The following KCTD11 variants were observed in gnomAD, a reference collection of about 807,000 sequenced individuals.
The protein encoded by KCTD11 is BTB/POZ domain-containing protein KCTD11.
Under a neutral mutation model 10.7 loss-of-function variants are expected in KCTD11, and 8 were observed. The ratio of observed to expected loss-of-function variants is 0.74; its 90% CI spans 0.44 to 1.34. The LOEUF is 1.34. Ranked by LOEUF, KCTD11 falls within the 40% of genes most tolerant of loss-of-function variation. The pLI is 0.01. For synonymous variants in KCTD11, 153 were observed against 160.8 expected, an observed-to-expected ratio of 0.95 and a Z score of 0.37; for missense variants, 346 against 356.1, an observed-to-expected ratio of 0.97 and a Z score of 0.23.
At position 7,353,420 on chromosome 17, in the gene KCTD11, G is replaced by GC; in HGVS notation, c.601dup (p.Arg201ProfsTer79). On this transcript the variant is annotated frameshift_variant, in exon 1 of 1. Transcript: ENST00000333751. LOFTEE classifies it high-confidence loss of function. This position sits in a 1 kb window ranked among gnomAD's most constrained non-coding sequence, Gnocchi z 4.9. ...GAGCCCACATTTTCATCTGGAGTGG[G>GC]CCCCCCGCCCCGTGGAACTCCCCGA... 1.6e-5 allele frequency: 25 copies of GC among 1,610,446 alleles called. No individual in the cohort carries two copies. Among genetic ancestry groups the GC allele is most frequent in the Non-Finnish European group, 1.9e-5 (23 of 1,179,634 alleles).
Position 7,352,721 on chromosome 17 carries a change from A to C in KCTD11, c.-105A>C, listed in dbSNP as rs1361604594. 2 of 541,674 alleles carry C rather than the reference A, an allele frequency of 3.7e-6. No homozygotes were observed. The highest frequency in any genetic ancestry group is 3.8e-5 in the African/African-American group (2 of 53,090). The allele number at this position is 541,674 out of a possible 1,614,324, so 33.6% of individuals were successfully genotyped here. A position where few individuals can be genotyped will look rare whatever the true frequency, so the allele number is the denominator to read the frequency against. On this transcript the variant is annotated 5_prime_UTR_variant, in exon 1 of 1. Coordinates refer to ENST00000333751, the MANE Select transcript of KCTD11 (RefSeq NM_001363642.1). This position sits in a 1 kb window ranked among gnomAD's most constrained non-coding sequence, Gnocchi z 4.5. ...CCCCAAACCTTACTGGGTGTGCTCCACCTGTGCCTCCAACCCAGCGAATCT... is the reference window on the plus strand; with the variant it reads ...CCCCAAACCTTACTGGGTGTGCTCCCCCTGTGCCTCCAACCCAGCGAATCT...
chr17:7,353,234 C>T lies in KCTD11; in HGVS notation c.409C>T (p.Pro137Ser). 6.2e-7 allele frequency: 1 copy of T among 1,613,700 alleles called. No individual in the cohort carries two copies. The highest frequency in any genetic ancestry group is 1.6e-4 in the Middle Eastern group (1 of 6,062). The change falls in exon 1 of 1, where the codon CCC (proline) becomes TCC (serine). Residue 137 changes from proline (P) to serine (S), a missense_variant. Physicochemically the swap from Pro to Ser is moderately conservative, Grantham distance 74. Coordinates refer to ENST00000333751, the MANE Select transcript of KCTD11 (RefSeq NM_001363642.1). This position sits in a 1 kb window ranked among gnomAD's most constrained non-coding sequence, Gnocchi z 4.9. ...GCTCCACGCAGATGTAGATGTCAGC[C>T]CCCGCCTGGTGCACTTCTCTGCTCG...
Position 7,353,518 on chromosome 17 carries a change from C to T in KCTD11, c.693C>T (p.Gly231=), listed in dbSNP as rs751804992. Residue 231 remains glycine, a synonymous_variant, in exon 1 of 1, where the codon GGC becomes GGT. Transcript: ENST00000333751. The surrounding 1 kb of genome is among the most constrained non-coding windows in gnomAD (Gnocchi z 4.9). ...CAGGAGAGCGGCGGGAGGTGGTGGG[C>T]ACCCCAAGCTTCCTGGAGGAGGTGC... The T allele has an allele frequency of 6.3e-7, 1 of 1,585,494 alleles. No individual in the cohort carries two copies. The highest frequency in any genetic ancestry group is 1.1e-5 in the South Asian group (1 of 87,994).
chr17:7,353,287 C>T lies in KCTD11; in HGVS notation c.462C>T (p.Ser154=), dbSNP rs759611792. ...GGGGACCCCATCACTATGAGCTGAG[C>T]TCCGTCCAGGTGGACACCTTCCGAG... The change falls in exon 1 of 1, where the codon AGC becomes AGT. Residue 154 remains serine, a synonymous_variant. Transcript: ENST00000333751. This position sits in a 1 kb window ranked among gnomAD's most constrained non-coding sequence, Gnocchi z 4.9. 2 of 1,614,072 alleles carry T rather than the reference C, an allele frequency of 1.2e-6. No homozygotes were observed. Among genetic ancestry groups the T allele is most frequent in the South Asian group, 2.2e-5 (2 of 91,090 alleles).
Position 7,353,329 on chromosome 17 carries a change from C to A in KCTD11, c.504C>A (p.Thr168=). Residue 168 remains threonine (T), a synonymous_variant, in exon 1 of 1, where the codon ACC becomes ACA. Transcript: ENST00000333751. The surrounding 1 kb of genome is among the most constrained non-coding windows in gnomAD (Gnocchi z 4.9). ...CCTTCCGAGCCAACCTTTTCTGCAC[C>A]GACTCTGAGTGTCTAGGTGCTTTGC... is the stretch of plus-strand genomic sequence containing the variant. The A allele has an allele frequency of 1.2e-6, 2 of 1,614,146 alleles. No individual in the cohort carries two copies. Among genetic ancestry groups the A allele is most frequent in the African/African-American group, 2.7e-5 (2 of 75,062 alleles).
Position 7,353,307 on chromosome 17 carries a change from T to A in KCTD11, c.482T>A (p.Phe161Tyr), listed in dbSNP as rs1045101640. The A allele has an allele frequency of 6.2e-7, 1 of 1,614,098 alleles. No individual in the cohort carries two copies. Among genetic ancestry groups the A allele is most frequent in the Non-Finnish European group, 8.5e-7 (1 of 1,180,034 alleles). Residue 161 changes from phenylalanine (F) to tyrosine (Y), a missense_variant, in exon 1 of 1, where the codon TTC (phenylalanine) becomes TAC (tyrosine). By Grantham distance (22) the Phe-to-Tyr change is conservative. Transcript: ENST00000333751. This position sits in a 1 kb window ranked among gnomAD's most constrained non-coding sequence, Gnocchi z 4.9. Reference sequence around the variant, plus strand: ...CTGAGCTCCGTCCAGGTGGACACCTTCCGAGCCAACCTTTTCTGCACCGAC... The same window carrying A: ...CTGAGCTCCGTCCAGGTGGACACCTACCGAGCCAACCTTTTCTGCACCGAC...
Position 7,352,556 on chromosome 17 carries a change from C to T in KCTD11, c.-270C>T. ...CACAGAGGGGTGTCGCTGACCACCC[C>T]AAATCGGATACGTCCAGACCTCAAG... On this transcript the variant is annotated 5_prime_UTR_variant, in exon 1 of 1. Coordinates refer to ENST00000333751, the MANE Select transcript of KCTD11 (RefSeq NM_001363642.1). This position sits in a 1 kb window ranked among gnomAD's most constrained non-coding sequence, Gnocchi z 4.5. 2.6e-6 allele frequency: 1 copy of T among 380,740 alleles called. No homozygotes were observed. Among genetic ancestry groups the T allele is most frequent in the Non-Finnish European group, 4.7e-6 (1 of 211,720 alleles). The allele number at this position is 380,740 out of a possible 1,614,324, so 23.6% of individuals were successfully genotyped here. A position where few individuals can be genotyped will look rare whatever the true frequency, so the allele number is the denominator to read the frequency against.
In KCTD11 at chr17:7,353,361, G is replaced by A. The variant is rs769368508; in HGVS notation, c.536G>A (p.Arg179Gln). 5.6e-6 allele frequency: 9 copies of A among 1,614,092 alleles called. No homozygotes were observed. The Admixed American group carries it at 1.0e-4, about 18-fold the overall frequency. ...GAGTGTCTAGGTGCTTTGCGGGCCCGATTTGGTGTGGCCAGTGGGGATAGG... is the reference window on the plus strand; with the variant it reads ...GAGTGTCTAGGTGCTTTGCGGGCCCAATTTGGTGTGGCCAGTGGGGATAGG... The change falls in exon 1 of 1, where the codon CGA becomes CAA. Residue 179 changes from arginine (R) to glutamine (Q), a missense_variant. Transcript: ENST00000333751. This position sits in a 1 kb window ranked among gnomAD's most constrained non-coding sequence, Gnocchi z 4.9.
In KCTD11 at chr17:7,353,185, G is replaced by A. The variant is rs1358557015; in HGVS notation, c.360G>A (p.Gly120=). The change falls in exon 1 of 1, where the codon GGG becomes GGA. Residue 120 remains glycine, a synonymous_variant. Transcript: ENST00000333751. This position sits in a 1 kb window ranked among gnomAD's most constrained non-coding sequence, Gnocchi z 4.9. ...TGCGGGAACTGGAGGCCTCTCAGGG[G>A]ACCCCTGCACCCACAGCTGCCCTGC... is the stretch of plus-strand genomic sequence containing the variant. 1 of 1,613,460 alleles carries A rather than the reference G, an allele frequency of 6.2e-7. No homozygotes were observed. The highest frequency in any genetic ancestry group is 8.5e-7 in the Non-Finnish European group (1 of 1,179,982).
Position 7,352,665 on chromosome 17 carries a change from C to T in KCTD11, c.-161C>T. ...GGATTTCTGTGTCCTGACACCACCT[C>T]CCCATCCACCACCAAAGTAGCCGGG... On this transcript the variant is annotated 5_prime_UTR_variant, in exon 1 of 1. Transcript: ENST00000333751. This position sits in a 1 kb window ranked among gnomAD's most constrained non-coding sequence, Gnocchi z 4.5. 2.0e-6 allele frequency: 1 copy of T among 505,900 alleles called. No homozygotes were observed. The highest frequency in any genetic ancestry group is 3.5e-6 in the Non-Finnish European group (1 of 287,032). 31.3% of individuals were successfully genotyped at this position (505,900 alleles called of 1,614,324 possible).
chr17:7,354,188 C>T lies in KCTD11; in HGVS notation c.*547C>T, dbSNP rs1048779430. On this transcript the variant is annotated 3_prime_UTR_variant, in exon 1 of 1. Transcript: ENST00000333751. Reference sequence around the variant, plus strand: ...CTGAGGGAGGCAGAAAGGCCACAACCCACCCTAGGTTGATGTATGGGAGCT... The same window carrying T: ...CTGAGGGAGGCAGAAAGGCCACAACTCACCCTAGGTTGATGTATGGGAGCT... 1 of 168,072 alleles carries T rather than the reference C, an allele frequency of 5.9e-6. No homozygotes were observed. Among genetic ancestry groups the T allele is most frequent in the Non-Finnish European group, 1.5e-5 (1 of 68,872 alleles). 10.4% of individuals were successfully genotyped at this position (168,072 alleles called of 1,614,324 possible). A position where few individuals can be genotyped will look rare whatever the true frequency, so the allele number is the denominator to read the frequency against.
Position 7,353,574 on chromosome 17 carries a change from TAG to T in KCTD11, c.751_752del (p.Asp251LeufsTer28). Reference sequence around the variant, plus strand: ...GTGGCTCTCGAGCACGGCTTCCGACTAGACTCTGTCTTCCCCGACCCCGAAGA... The same window carrying T: ...GTGGCTCTCGAGCACGGCTTCCGACTACTCTGTCTTCCCCGACCCCGAAGA... On this transcript the variant is annotated frameshift_variant, in exon 1 of 1. Transcript: ENST00000333751. LOFTEE classifies it high-confidence loss of function. This position sits in a 1 kb window ranked among gnomAD's most constrained non-coding sequence, Gnocchi z 4.9. 6.5e-7 allele frequency: 1 copy of T among 1,543,808 alleles called. No individual in the cohort carries two copies. The highest frequency in any genetic ancestry group is 8.7e-7 in the Non-Finnish European group (1 of 1,144,464).
At position 7,353,633 on chromosome 17, in the gene KCTD11, C is replaced by A; in HGVS notation, c.808C>A (p.Arg270=). The A allele has an allele frequency of 1.3e-6, 2 of 1,515,810 alleles. No individual in the cohort carries two copies. Among genetic ancestry groups the A allele is most frequent in the African/African-American group, 1.4e-5 (1 of 71,770 alleles). The allele number at this position is 1,515,810 out of a possible 1,614,324, so 93.9% of individuals were successfully genotyped here. Residue 270 remains arginine (R), a synonymous_variant, in exon 1 of 1, where the codon CGG becomes AGG. Transcript: ENST00000333751. The surrounding 1 kb of genome is among the most constrained non-coding windows in gnomAD (Gnocchi z 4.9). ...CAACTCCAGGTCTCTGCGCTTTGTC[C>A]GGCACTGAGGATGCTGTTCTCAGTT... is the stretch of plus-strand genomic sequence containing the variant.
rs2073461854 is a variant in KCTD11 at position 7,354,884 on chromosome 17, A to AT, written c.*1245dup. Reference sequence around the variant, plus strand: ...TTCACTGGTGGGGGGTGGGGCACACATTATTTCTCACTGGTCATGATTTAC... The same window carrying AT: ...TTCACTGGTGGGGGGTGGGGCACACATTTATTTCTCACTGGTCATGATTTAC... On this transcript the variant is annotated 3_prime_UTR_variant, in exon 1 of 1. Coordinates refer to ENST00000333751, the MANE Select transcript of KCTD11 (RefSeq NM_001363642.1). 3.0e-6 allele frequency: 1 copy of AT among 333,254 alleles called. No homozygotes were observed. Among genetic ancestry groups the AT allele is most frequent in the Non-Finnish European group, 5.8e-6 (1 of 172,058 alleles). 20.6% of individuals were successfully genotyped at this position (333,254 alleles called of 1,614,324 possible).
chr17:7,352,701 A>G lies in KCTD11; in HGVS notation c.-125A>G. ...ACCAAAGTAGCCGGGGTGAGCCCCAAACCTTACTGGGTGTGCTCCACCTGT... is the reference window on the plus strand; with the variant it reads ...ACCAAAGTAGCCGGGGTGAGCCCCAGACCTTACTGGGTGTGCTCCACCTGT... On this transcript the variant is annotated 5_prime_UTR_variant, in exon 1 of 1. Coordinates refer to ENST00000333751, the MANE Select transcript of KCTD11 (RefSeq NM_001363642.1). This position sits in a 1 kb window ranked among gnomAD's most constrained non-coding sequence, Gnocchi z 4.5. The G allele has an allele frequency of 1.9e-6, 1 of 519,380 alleles. No individual in the cohort carries two copies. Among genetic ancestry groups the G allele is most frequent in the South Asian group, 3.3e-5 (1 of 30,062 alleles). The allele number at this position is 519,380 out of a possible 1,614,324, so 32.2% of individuals were successfully genotyped here.
rs1016660504 is a variant in KCTD11, at chr17:7,353,570, C to A, written c.745C>A (p.Arg249=). The A allele has an allele frequency of 6.5e-7, 1 of 1,545,194 alleles. No individual in the cohort carries two copies. Among genetic ancestry groups the A allele is most frequent in the African/African-American group, 1.4e-5 (1 of 72,952 alleles). The change falls in exon 1 of 1, where the codon CGA becomes AGA. Residue 249 remains arginine, a synonymous_variant. Transcript: ENST00000333751. This position sits in a 1 kb window ranked among gnomAD's most constrained non-coding sequence, Gnocchi z 4.9. ...GCGGGTGGCTCTCGAGCACGGCTTC[C>A]GACTAGACTCTGTCTTCCCCGACCC...
In KCTD11 at chr17:7,353,215, C is replaced by T. The variant is rs1348937407; in HGVS notation, c.390C>T (p.His130=). The change falls in exon 1 of 1, where the codon CAC becomes CAT. Residue 130 remains histidine (H), a synonymous_variant. Coordinates refer to ENST00000333751, the MANE Select transcript of KCTD11 (RefSeq NM_001363642.1). The surrounding 1 kb of genome is among the most constrained non-coding windows in gnomAD (Gnocchi z 4.9). ...CTGCACCCACAGCTGCCCTGCTCCA[C>T]GCAGATGTAGATGTCAGCCCCCGCC... 1.2e-6 allele frequency: 2 copies of T among 1,613,548 alleles called. No homozygotes were observed. The highest frequency in any genetic ancestry group is 2.2e-5 in the East Asian group (1 of 44,884).
chr17:7,353,733 A>T lies in KCTD11; in HGVS notation c.*92A>T, dbSNP rs892249299. ...TTCCAGCTCTGCTTCAGGAGCTATGAGAGTCGGGACTCTCCTGCACCTGAC... is the reference window on the plus strand; with the variant it reads ...TTCCAGCTCTGCTTCAGGAGCTATGTGAGTCGGGACTCTCCTGCACCTGAC... On this transcript the variant is annotated 3_prime_UTR_variant, in exon 1 of 1. Coordinates refer to ENST00000333751, the MANE Select transcript of KCTD11 (RefSeq NM_001363642.1). This position sits in a 1 kb window ranked among gnomAD's most constrained non-coding sequence, Gnocchi z 4.9. 52 of 1,270,436 alleles carry T rather than the reference A, an allele frequency of 4.1e-5. No individual in the cohort carries two copies. The highest frequency in any genetic ancestry group is 4.8e-5 in the Non-Finnish European group (45 of 930,674). The allele number at this position is 1,270,436 out of a possible 1,614,324, so 78.7% of individuals were successfully genotyped here.
chr17:7,352,833 C>A lies in KCTD11; in HGVS notation c.8C>A (p.Pro3His). The change falls in exon 1 of 1, where the codon CCT (proline) becomes CAT (histidine). Residue 3 changes from proline (P) to histidine (H), a missense_variant. Pro to His is a moderately conservative substitution (Grantham distance 77, BLOSUM62 -2). Transcript: ENST00000333751. The surrounding 1 kb of genome is among the most constrained non-coding windows in gnomAD (Gnocchi z 4.5). Reference sequence around the variant, plus strand: ...TCTCCTGTACTTCCCAAAATTTCTCCTCCTCCTGTGCCCTCTTCGCCCCCC... The same window carrying A: ...TCTCCTGTACTTCCCAAAATTTCTCATCCTCCTGTGCCCTCTTCGCCCCCC... 1.2e-6 allele frequency: 1 copy of A among 803,824 alleles called. No individual in the cohort carries two copies. Among genetic ancestry groups the A allele is most frequent in the Non-Finnish European group, 2.0e-6 (1 of 497,768 alleles). 49.8% of individuals were successfully genotyped at this position (803,824 alleles called of 1,614,324 possible).
Sources: allele counts gnomAD v4.1 joint callset, GRCh38; gene constraint gnomAD v4.1.1; non-coding constraint Gnocchi (gnomAD v3.1); transcripts MANE v1.5; gene names NCBI Gene and HGNC (gene_info 2026-07-23, HGNC 2026-07-21).